Variants in KCNH1 observed in about 807,000 individuals in gnomAD.
KCNH1 encodes the protein voltage-gated delayed rectifier potassium channel KCNH1.
Under a neutral mutation model 69.2 loss-of-function variants are expected in KCNH1, and 27 were observed. The ratio of observed to expected loss-of-function variants is 0.39; its 90% CI spans 0.29 to 0.54. KCNH1 has a LOEUF of 0.54. Ranked by LOEUF, KCNH1 falls within the 20% of genes least tolerant of loss-of-function variation. The pLI is 0.68. For missense variants in KCNH1, 798 were observed against 1,261.6 expected (o/e 0.63, Z 5.57); for synonymous variants, 456 against 487.7 (o/e 0.93, Z 0.86).
At chr1:211,126,370 C>T (rs528360903) in intron 1 of KCNH1, among the ~76,000 whole-genome samples, 11 of 152,210 alleles carry the variant, frequency 7.2e-5, no homozygotes, top group African/African-American at 2.4e-4. Flanking sequence ...ATTAGCCGGG[C>T]ATGGTGGCGG....
intron 7 of KCNH1, among the ~76,000 whole-genome samples, chr1:210,885,108 G>GTT (rs970762298): frequency 2.6e-5 from 4 of 152,202 alleles, no homozygotes; most frequent in Admixed American, 2.6e-4. Context: ...CCATAAACCC[G>GTT]TTATATCAGG....
chr1:210,909,239 C>T (rs1687176468), intron 7 of KCNH1, among the ~76,000 whole-genome samples: 1 of 152,214 alleles, frequency 6.6e-6, no homozygotes, highest in Non-Finnish European at 1.5e-5. Context: ...CAAACAAACC[C>T]TTATCAAGCT....
intron 5 of KCNH1, among the ~76,000 whole-genome samples, chr1:211,051,466 C>T (rs1400632894): frequency 1.5e-5 from 1 of 67,956 alleles, no homozygotes; most frequent in Non-Finnish European, 3.2e-5. Context: ...GGAAAGGCCT[C>T]AAAGAGCACA....
chr1:210,919,499 G>A lies in KCNH1; in HGVS notation c.1462+141C>T. On this transcript the variant is annotated intron_variant, in intron 7 of 10. Coordinates refer to ENST00000271751, the MANE Select transcript of KCNH1 (RefSeq NM_172362.3). This position sits in a 1 kb window ranked among gnomAD's most constrained non-coding sequence, Gnocchi z 4.2. ...AAGCATATACTGCTTTAATTATCAG[G>A]GTAACTGTAAGCCTAGTCTTAAAAA... The A allele has an allele frequency of 1.2e-6, 1 of 814,978 alleles. No homozygotes were observed. The highest frequency in any genetic ancestry group is 2.0e-6 in the Non-Finnish European group (1 of 506,870). 50.5% of individuals were successfully genotyped at this position (814,978 alleles called of 1,614,324 possible). A position where few individuals can be genotyped will look rare whatever the true frequency, so the allele number is the denominator to read the frequency against.
At chr1:211,052,069 T>C (rs1690217648) in intron 5 of KCNH1, among the ~76,000 whole-genome samples, 1 of 152,254 alleles carries the variant, frequency 6.6e-6, no homozygotes, top group Non-Finnish European at 1.5e-5. Flanking sequence ...CCTGGCATCA[T>C]TGAACAGTTG....
chr1:210,931,413 A>G (rs1417126891), intron 6 of KCNH1, among the ~76,000 whole-genome samples: 1 of 152,196 alleles, frequency 6.6e-6, no homozygotes, highest in African/African-American at 2.4e-5. Flanking sequence ...AAGTTACTCA[A>G]GAATGGACAA....
At chr1:210,909,104 C>A (rs1009714345) in intron 7 of KCNH1, among the ~76,000 whole-genome samples, 1 of 152,128 alleles carries the variant, frequency 6.6e-6, no homozygotes. Flanking sequence ...TGGGGAAAAG[C>A]GAAAATGGAA....
intron 6 of KCNH1, among the ~76,000 whole-genome samples, chr1:211,009,051 C>T (rs1689343714): frequency 1.3e-5 from 2 of 152,090 alleles, no homozygotes; most frequent in Admixed American, 1.3e-4. Flanking sequence ...GCAAGTACCC[C>T]AAGGCCAGCA....
chr1:210,799,515 G>A (rs1684388873), intron 8 of KCNH1, among the ~76,000 whole-genome samples: 1 of 152,050 alleles, frequency 6.6e-6, no homozygotes, highest in Admixed American at 6.5e-5. Flanking sequence ...TTTCCTAGAG[G>A]GAGAAATATT....
At chr1:210,934,825 A>C (rs556853990) in intron 6 of KCNH1, among the ~76,000 whole-genome samples, 3 of 152,078 alleles carry the variant, frequency 2.0e-5, no homozygotes, top group Non-Finnish European at 2.9e-5. Flanking sequence ...ACTCTTGTAC[A>C]CTATTGGTGT....
chr1:211,022,703 G>A (rs1305542679), intron 5 of KCNH1, among the ~76,000 whole-genome samples: 1 of 152,014 alleles, frequency 6.6e-6, no homozygotes. Flanking sequence ...CAAATAAATG[G>A]CTAACAGGGA....
At chr1:210,981,896 G>A (rs911923605) in intron 6 of KCNH1, among the ~76,000 whole-genome samples, 4 of 152,134 alleles carry the variant, frequency 2.6e-5, no homozygotes, top group African/African-American at 7.2e-5. Flanking sequence ...GAATGTGTAT[G>A]TGTGGTCACA....
intron 5 of KCNH1, among the ~76,000 whole-genome samples, chr1:211,035,551 T>A (rs1381922115): frequency 6.6e-6 from 1 of 152,188 alleles, no homozygotes; most frequent in African/African-American, 2.4e-5. Context: ...AATATTTTTA[T>A]TGCTAGGACA....
At chr1:210,710,530 T>C (rs1558433925) in intron 10 of KCNH1, among the ~76,000 whole-genome samples, 1 of 152,180 alleles carries the variant, frequency 6.6e-6, no homozygotes, top group African/African-American at 2.4e-5. Context: ...AATGTAACAA[T>C]GGCTATGATA....
intron 10 of KCNH1, among the ~76,000 whole-genome samples, chr1:210,727,461 G>A (rs1682627354): frequency 1.3e-5 from 2 of 152,246 alleles, no homozygotes; most frequent in South Asian, 4.1e-4. Context: ...GCCTCCTAAA[G>A]AGCTGAGATT....
intron 6 of KCNH1, among the ~76,000 whole-genome samples, chr1:211,014,400 C>T (rs1401738222): frequency 2.6e-5 from 4 of 152,170 alleles, no homozygotes; most frequent in Non-Finnish European, 4.4e-5. Context: ...TATTCTCAAA[C>T]GGCCTCCGAA....
At chr1:210,943,323 T>TTTTTTTA (rs571289908) in intron 6 of KCNH1, among the ~76,000 whole-genome samples, 1 of 151,842 alleles carries the variant, frequency 6.6e-6, no homozygotes, top group Non-Finnish European at 1.5e-5. Context: ...CTCCCCTTCT[T>TTTTTTTA]TTTTTTATTT....
At chr1:210,688,720 C>T (rs927333502) in intron 10 of KCNH1, among the ~76,000 whole-genome samples, 3 of 152,126 alleles carry the variant, frequency 2.0e-5, no homozygotes, top group African/African-American at 7.2e-5. Flanking sequence ...TTTAAAAGTA[C>T]CCCTGAGATA....
intron 4 of KCNH1, among the ~76,000 whole-genome samples, chr1:211,087,452 G>T (rs747150737): frequency 6.6e-6 from 1 of 152,020 alleles, no homozygotes; most frequent in Non-Finnish European, 1.5e-5. Context: ...TGGCTCAGAA[G>T]ACAGAACGCA....
Sources: gnomAD v4.1 joint callset for allele counts (sites outside exome capture counted in the v4.1 genomes callset) on GRCh38, gnomAD v4.1.1 for gene constraint, Gnocchi (gnomAD v3.1) non-coding constraint, MANE v1.5 for transcripts, NCBI Gene and HGNC (gene_info 2026-07-23, HGNC 2026-07-21) for gene names.